The following TAFA2 variants were observed in gnomAD, a reference collection of about 807,000 sequenced individuals.
TAFA2 encodes the protein TAFA chemokine like family member 2.
In TAFA2, 7 loss-of-function variants were observed where a neutral mutation model predicts 18.8. The observed-to-expected ratio is 0.37, with a 90% CI of 0.21 to 0.70. TAFA2 has a LOEUF of 0.70. Ranked by LOEUF, TAFA2 falls within the 30% of genes least tolerant of loss-of-function variation. TAFA2 has a pLI of 0.53. For missense variants in TAFA2, 122 were observed against 158.1 expected (o/e 0.77, Z 1.23); for synonymous variants, 60 against 54.2 (o/e 1.11, Z -0.47).
intron 2 of TAFA2, among the ~76,000 whole-genome samples, chr12:61,841,231 GTCTT>G (rs1482855167): frequency 6.6e-6 from 1 of 152,056 alleles, no homozygotes; most frequent in African/African-American, 2.4e-5. Flanking sequence ...TTATGTCAAA[GTCTT>G]TCTCCTTTCA....
rs116225677 is a variant in TAFA2 at position 61,863,040 on chromosome 12, G to A, written c.106+4280C>T. ...TACTCAACAATCATTAAGTAAACAAGCAACTTTTCCATGAGAAATATCCAA... is the reference window on the plus strand; with the variant it reads ...TACTCAACAATCATTAAGTAAACAAACAACTTTTCCATGAGAAATATCCAA... On this transcript the variant is annotated intron_variant, in intron 2 of 4. Coordinates refer to ENST00000416284, the MANE Select transcript of TAFA2 (RefSeq NM_178539.5). 7.5e-3 allele frequency among the ~76,000 whole-genome samples: 1,139 copies of A among 152,218 alleles called. 13 individuals are homozygous for A. Among genetic ancestry groups the A allele is most frequent in the African/African-American group, 0.026 (1,062 of 41,516 alleles).
intron 1 of TAFA2, among the ~76,000 whole-genome samples, chr12:62,147,681 G>C (rs1373561846): frequency 7.8e-6 from 1 of 128,996 alleles, no homozygotes; most frequent in Non-Finnish European, 1.5e-5. Flanking sequence ...AGTGAGCCAA[G>C]ATCCCGCCAC....
intron 1 of TAFA2, among the ~76,000 whole-genome samples, chr12:61,921,235 T>C (rs1877039892): frequency 6.6e-6 from 1 of 152,172 alleles, no homozygotes; most frequent in African/African-American, 2.4e-5. Flanking sequence ...TGAGATATTC[T>C]GTGGGGTAGG....
chr12:62,188,460 A>G (rs763570479), intron 1 of TAFA2, among the ~76,000 whole-genome samples: 5 of 152,208 alleles, frequency 3.3e-5, no homozygotes, highest in Non-Finnish European at 7.4e-5. Flanking sequence ...TGTTTGGGAC[A>G]TGCATTAGAG....
intron 1 of TAFA2, among the ~76,000 whole-genome samples, chr12:61,898,715 G>A (rs531421907): frequency 5.3e-5 from 8 of 152,246 alleles, no homozygotes; most frequent in African/African-American, 1.9e-4. Context: ...GTGATGGGAG[G>A]GCCTGCAGGG....
At chr12:62,168,945 T>TACACACACACACACAC (rs147184565) in intron 1 of TAFA2, among the ~76,000 whole-genome samples, 1 of 148,836 alleles carries the variant, frequency 6.7e-6, no homozygotes, top group South Asian at 2.1e-4. Flanking sequence ...ACTCACTCTC[T>TACACACACACACACAC]ACACACACAC....
At chr12:61,840,175 A>G (rs1410146121) in intron 2 of TAFA2, among the ~76,000 whole-genome samples, 1 of 152,064 alleles carries the variant, frequency 6.6e-6, no homozygotes, top group African/African-American at 2.4e-5. Flanking sequence ...TCAAGTTAAT[A>G]GAGTAGAGTT....
At chr12:62,033,922 T>C (rs544772201) in intron 1 of TAFA2, among the ~76,000 whole-genome samples, 14 of 152,194 alleles carry the variant, frequency 9.2e-5, no homozygotes, top group Non-Finnish European at 1.9e-4. Flanking sequence ...TTTGTATTTA[T>C]TTTAAGCTGA....
At chr12:61,839,492 A>C (rs1049269888) in intron 2 of TAFA2, among the ~76,000 whole-genome samples, 1 of 152,080 alleles carries the variant, frequency 6.6e-6, no homozygotes, top group African/African-American at 2.4e-5. Flanking sequence ...AAAGACAGGG[A>C]ATCAATCTAG....
chr12:61,840,273 T>TGCC (rs1456663873), intron 2 of TAFA2, among the ~76,000 whole-genome samples: 1 of 152,048 alleles, frequency 6.6e-6, no homozygotes, highest in Non-Finnish European at 1.5e-5. Flanking sequence ...TTATATTATG[T>TGCC]GCCTGACGTG....
At chr12:62,019,643 G>T (rs11835202) in intron 1 of TAFA2, among the ~76,000 whole-genome samples, 6 of 146,464 alleles carry the variant, frequency 4.1e-5, no homozygotes, top group Admixed American at 1.4e-4. Flanking sequence ...ACACAGGAAG[G>T]GGAACATCAC....
chr12:61,747,899 A>G (rs1283202895), intron 4 of TAFA2, among the ~76,000 whole-genome samples: 1 of 152,124 alleles, frequency 6.6e-6, no homozygotes, highest in Non-Finnish European at 1.5e-5. Context: ...AGAAATTTTT[A>G]GCCCAAAAAT....
chr12:62,078,486 A>G (rs1018095917), intron 1 of TAFA2, among the ~76,000 whole-genome samples: 1 of 151,606 alleles, frequency 6.6e-6, no homozygotes, highest in African/African-American at 2.4e-5. Flanking sequence ...CTGGCCTTTC[A>G]CTGATTTTTT....
chr12:62,215,628 CAA>C (rs36005311), intron 1 of TAFA2, among the ~76,000 whole-genome samples: 7 of 76,736 alleles, frequency 9.1e-5, no homozygotes, highest in African/African-American at 1.9e-4. Flanking sequence ...ACTCGTTTAT[CAA>C]AAAAAAAAAA....
chr12:61,842,417 C>T (rs1873225336), intron 2 of TAFA2, among the ~76,000 whole-genome samples: 1 of 151,660 alleles, frequency 6.6e-6, no homozygotes, highest in African/African-American at 2.4e-5. Context: ...TTGAAAATGT[C>T]AGGTACAAAT....
intron 2 of TAFA2, among the ~76,000 whole-genome samples, chr12:61,855,815 C>T (rs1021793408): frequency 9.2e-5 from 14 of 151,910 alleles, no homozygotes; most frequent in African/African-American, 3.4e-4. Context: ...AAAGCATTAT[C>T]AAAAATGAGA....
At chr12:62,089,404 A>T (rs1868612324) in intron 1 of TAFA2, among the ~76,000 whole-genome samples, 1 of 152,064 alleles carries the variant, frequency 6.6e-6, no homozygotes, top group Non-Finnish European at 1.5e-5. Context: ...TATGATTTCG[A>T]ATATTACCCT....
At chr12:61,841,361 A>G (rs1472372802) in intron 2 of TAFA2, among the ~76,000 whole-genome samples, 1 of 152,082 alleles carries the variant, frequency 6.6e-6, no homozygotes, top group African/African-American at 2.4e-5. Context: ...AGTTCAAACA[A>G]TTGAAGGATA....
At chr12:61,892,483 G>T (rs1222341291) in intron 1 of TAFA2, among the ~76,000 whole-genome samples, 1 of 152,202 alleles carries the variant, frequency 6.6e-6, no homozygotes, top group African/African-American at 2.4e-5. Flanking sequence ...AATTTCCAAA[G>T]CAGTGAACAA....
Sources: allele counts gnomAD v4.1 joint callset (sites outside exome capture counted in the v4.1 genomes callset), GRCh38; gene constraint gnomAD v4.1.1; transcripts MANE v1.5; gene names NCBI Gene and HGNC (gene_info 2026-07-23, HGNC 2026-07-21).